DLG2: variants seen among roughly 807,000 people sequenced by gnomAD.
DLG2 encodes discs large MAGUK scaffold protein 2.
Under a neutral mutation model 132.5 loss-of-function variants are expected in DLG2, and 45 were observed. The observed-to-expected ratio is 0.34, with a 90% CI of 0.27 to 0.44. The LOEUF is 0.44. DLG2 is among the 20% of genes least tolerant of loss of function. DLG2 has a pLI of 1.00. For synonymous variants in DLG2, 424 were observed against 419.6 expected (o/e 1.01, Z -0.13); for missense variants, 1,045 against 1,196.9 (o/e 0.87, Z 1.87).
intron 6 of DLG2, among the ~76,000 whole-genome samples, chr11:84,561,277 G>T (rs1421225513): frequency 6.6e-6 from 1 of 152,002 alleles, no homozygotes; most frequent in Non-Finnish European, 1.5e-5. Context: ...TGTCACAGAT[G>T]AGAACTCCTG....
At chr11:84,256,411 C>T (rs2097471947) in intron 7 of DLG2, among the ~76,000 whole-genome samples, 1 of 152,000 alleles carries the variant, frequency 6.6e-6, no homozygotes, top group Non-Finnish European at 1.5e-5. Context: ...GTAGGCTAAT[C>T]AGTGGGAAGG....
chr11:84,010,211 A>G (rs2094805979), intron 11 of DLG2, among the ~76,000 whole-genome samples: 1 of 152,058 alleles, frequency 6.6e-6, no homozygotes, highest in African/African-American at 2.4e-5. Flanking sequence ...ATCTATATAA[A>G]GATTTCTGAG....
chr11:83,895,419 C>T (rs1377764617), intron 15 of DLG2, among the ~76,000 whole-genome samples: 7 of 152,146 alleles, frequency 4.6e-5, no homozygotes, highest in Non-Finnish European at 1.0e-4. Context: ...CTCGGCTTTC[C>T]AAAGTGCTGG....
At chr11:84,687,145 T>TTTCA (rs1332531930) in intron 6 of DLG2, 1 of 152,144 alleles carries the variant, frequency 6.6e-6, no homozygotes, top group Non-Finnish European at 1.5e-5. Flanking sequence ...ACATGCTCTA[T>TTTCA]TTCATTTTTC....
chr11:83,903,647 A>C (rs917559481), intron 15 of DLG2, among the ~76,000 whole-genome samples: 1 of 152,154 alleles, frequency 6.6e-6, no homozygotes, highest in Admixed American at 6.6e-5. Context: ...GCATCAAGCA[A>C]TTCTTCCTAG....
chr11:85,308,587 C>T (rs1776876773), intron 3 of DLG2, among the ~76,000 whole-genome samples: 1 of 152,148 alleles, frequency 6.6e-6, no homozygotes, highest in South Asian at 2.1e-4. Flanking sequence ...GTCAAACTTC[C>T]TTTTGTCCTT....
At chr11:84,292,163 T>A (rs1470475288) in intron 7 of DLG2, among the ~76,000 whole-genome samples, 3 of 152,258 alleles carry the variant, frequency 2.0e-5, no homozygotes, top group Non-Finnish European at 4.4e-5. Context: ...GAAATGTCAC[T>A]GAAGCTGGAT....
At chr11:85,156,181 C>G (rs1466066611) in intron 4 of DLG2, among the ~76,000 whole-genome samples, 1 of 152,154 alleles carries the variant, frequency 6.6e-6, no homozygotes, top group Non-Finnish European at 1.5e-5. Flanking sequence ...CTCTTCTCTG[C>G]TCCCGTAGTT....
At chr11:84,015,849 T>C (rs1298855378) in intron 11 of DLG2, among the ~76,000 whole-genome samples, 1 of 152,166 alleles carries the variant, frequency 6.6e-6, no homozygotes, top group African/African-American at 2.4e-5. Flanking sequence ...TGAACTTACA[T>C]GTGCATGTAT....
chr11:83,692,987 T>C (rs1566562960), intron 18 of DLG2: 1 of 152,218 alleles, frequency 6.6e-6, no homozygotes. Context: ...GGAGCCATAG[T>C]GTGGAAAAGC....
At chr11:84,788,024 C>A (rs781555750) in intron 6 of DLG2, among the ~76,000 whole-genome samples, 1 of 136,564 alleles carries the variant, frequency 7.3e-6, no homozygotes, top group Non-Finnish European at 1.5e-5. Context: ...ATCAGTTGAA[C>A]CAGGGAGGTA....
intron 7 of DLG2, among the ~76,000 whole-genome samples, chr11:84,495,093 C>T (rs922362182): frequency 2.6e-5 from 4 of 152,060 alleles, no homozygotes; most frequent in Non-Finnish European, 4.4e-5. Context: ...CGCTCATTTG[C>T]TCAAAATTTC....
rs186539325 is a variant in DLG2 at position 84,197,551 on chromosome 11, A to G, written c.574-34040T>C. On this transcript the variant is annotated intron_variant, in intron 8 of 27. Transcript: ENST00000376104. ...AATACAAATCACTAAAAAAGCCTCC[A>G]AAGAGTCAAGACACAATTAAAATTT... 2.9e-3 allele frequency among the ~76,000 whole-genome samples: 439 copies of G among 152,352 alleles called. 4 individuals carry two copies. The highest frequency in any genetic ancestry group is 0.01 in the African/African-American group (429 of 41,584).
chr11:84,266,713 A>C (rs2097641995), intron 7 of DLG2, among the ~76,000 whole-genome samples: 1 of 152,218 alleles, frequency 6.6e-6, no homozygotes. Flanking sequence ...GGTTCAAACT[A>C]TACATCCAGG....
rs1353826872 is a variant in DLG2, at chr11:83,874,463, G to C, written c.1522C>G (p.Arg508Gly). The change falls in exon 16 of 28, where the codon CGT becomes GGT. Residue 508 changes from arginine to glycine, a missense_variant. By Grantham distance (125) the Arg-to-Gly change is moderately radical. This residue lies in a region of DLG2 where 261 missense variants were observed against 256.1 expected (regional missense o/e 1.02). Coordinates refer to ENST00000376104, the MANE Select transcript of DLG2 (RefSeq NM_001142699.3). The part of the protein sequence containing the change: ...TSHSQHSTAT[R>G]QPSMTLQRAV... ...CGTTGGAGAGTCATTGAAGGCTGAC[G>C]AGTTGCGGTGCTATGTTGGGAATGA... is the stretch of plus-strand genomic sequence containing the variant. 2 of 1,601,992 alleles carry C rather than the reference G, an allele frequency of 1.2e-6. No homozygotes were observed. Among genetic ancestry groups the C allele is most frequent in the South Asian group, 2.2e-5 (2 of 89,154 alleles).
chr11:85,524,386 C>T (rs981117053), intron 3 of DLG2, among the ~76,000 whole-genome samples: 14 of 151,366 alleles, frequency 9.2e-5, no homozygotes, highest in Non-Finnish European at 2.9e-5. Flanking sequence ...AATATGTACC[C>T]ACAAAAATTA....
intron 19 of DLG2, among the ~76,000 whole-genome samples, chr11:83,619,883 AAAGT>A (rs138479443): frequency 0.42 from 64,272 of 151,436 alleles, 14,008 homozygotes; most frequent in East Asian, 0.56. Flanking sequence ...ATTAACAGAA[AAAGT>A]AAGATGACAC....
chr11:83,812,537 T>C (rs1392715907), intron 17 of DLG2, among the ~76,000 whole-genome samples: 3 of 152,210 alleles, frequency 2.0e-5, no homozygotes, highest in East Asian at 1.9e-4. Context: ...GAAGCACTTA[T>C]GATGTTTCTG....
chr11:83,749,050 T>A (rs7119106), intron 18 of DLG2, among the ~76,000 whole-genome samples: 43,369 of 152,038 alleles, frequency 0.29, 8,722 homozygotes, highest in African/African-American at 0.57. Context: ...CTGCAGTATG[T>A]AGTTCATTAG....
Sources: allele counts gnomAD v4.1 joint callset (sites outside exome capture counted in the v4.1 genomes callset), GRCh38; gene constraint gnomAD v4.1.1; regional missense constraint gnomAD v4.1.1; transcripts MANE v1.5; gene names NCBI Gene and HGNC (gene_info 2026-07-23, HGNC 2026-07-21).